The following DLG1 variants were observed in gnomAD, a reference collection of about 807,000 sequenced individuals.
DLG1 encodes discs large MAGUK scaffold protein 1, also known as disks large homolog 1.
DLG1 carries 42 observed loss-of-function variants against 123.4 expected under a neutral mutation model. The ratio of observed to expected loss-of-function variants is 0.34; its 90% CI spans 0.27 to 0.44. The LOEUF (loss-of-function observed/expected upper bound fraction) is 0.44. Among genes scored for constraint, DLG1 ranks in the 20% least tolerant of loss-of-function variants. The probability of loss-of-function intolerance (pLI) is 1.00; values close to 1 mark genes in which losing one functional copy is unlikely to be tolerated. For synonymous variants in DLG1, 317 were observed against 356.2 expected (o/e 0.89, Z 1.24); for missense variants, 942 against 1,082.6 (o/e 0.87, Z 1.82).
chr3:197,276,361 G>C (rs1378907317), intron 4 of DLG1, among the ~76,000 whole-genome samples: 1 of 152,192 alleles, frequency 6.6e-6, no homozygotes, highest in Non-Finnish European at 1.5e-5. Flanking sequence ...CGAATATAAA[G>C]TTGTCTTTCA....
chr3:197,254,489 C>T (rs764371055), intron 4 of DLG1, among the ~76,000 whole-genome samples: 6 of 152,066 alleles, frequency 3.9e-5, no homozygotes, highest in African/African-American at 1.2e-4. Flanking sequence ...TTCTTTTATA[C>T]GTTATTTAGA....
intron 4 of DLG1, among the ~76,000 whole-genome samples, chr3:197,242,482 TAC>T (rs1449233969): frequency 2.0e-5 from 3 of 151,714 alleles, no homozygotes; most frequent in Non-Finnish European, 4.4e-5. Flanking sequence ...TGCTGGAGAA[TAC>T]ACATTCTTTT....
intron 23 of DLG1, among the ~76,000 whole-genome samples, chr3:197,054,340 A>C (rs375505391): frequency 7.2e-4 from 92 of 127,370 alleles, no homozygotes; most frequent in Non-Finnish European, 1.3e-3. Flanking sequence ...CCTTCTCTCT[A>C]TTCTCCTTCA....
chr3:197,197,684 T>C (rs778707159), intron 4 of DLG1, among the ~76,000 whole-genome samples: 2 of 152,190 alleles, frequency 1.3e-5, no homozygotes, highest in South Asian at 2.1e-4. Flanking sequence ...GAACACAGAA[T>C]AGCCAGAAAT....
Position 197,042,640 on chromosome 3 carries a change from A to G in DLG1, c.*1983T>C, listed in dbSNP as rs1021712002. On this transcript the variant is annotated 3_prime_UTR_variant, in exon 25 of 25. Transcript: ENST00000667157. The stretch of plus-strand genomic sequence containing the variant: ...ACTTGATATTTTACAACATGTGACT[A>G]TTTGGTAAATACTTCAAAATAGCTT... 1 of 152,208 alleles carries G rather than the reference A, an allele frequency of 6.6e-6. No homozygotes were observed. Among genetic ancestry groups the G allele is most frequent in the African/African-American group, 2.4e-5 (1 of 41,452 alleles). 9.4% of individuals were successfully genotyped at this position (152,208 alleles called of 1,614,324 possible). A position where few individuals can be genotyped will look rare whatever the true frequency, so the allele number is the denominator to read the frequency against.
intron 23 of DLG1, among the ~76,000 whole-genome samples, chr3:197,059,209 G>A (rs1051916066): frequency 1.1e-4 from 16 of 152,176 alleles, no homozygotes; most frequent in Admixed American, 6.5e-5. Flanking sequence ...ACAGACGTGA[G>A]CCACTGTGCC....
intron 15 of DLG1, among the ~76,000 whole-genome samples, chr3:197,090,204 T>G (rs919064213): frequency 7.2e-5 from 11 of 152,028 alleles, no homozygotes; most frequent in African/African-American, 2.7e-4. Context: ...GTGCTAATGT[T>G]ACAGTAACAG....
intron 4 of DLG1, among the ~76,000 whole-genome samples, chr3:197,202,579 A>T (rs934692595): frequency 1.4e-4 from 21 of 152,228 alleles, no homozygotes; most frequent in African/African-American, 4.8e-4. Flanking sequence ...ACAGAAATAC[A>T]AATAAACTTT....
At chr3:197,181,631 A>G (rs1292065584) in intron 5 of DLG1, among the ~76,000 whole-genome samples, 2 of 152,204 alleles carry the variant, frequency 1.3e-5, no homozygotes, top group Non-Finnish European at 2.9e-5. Flanking sequence ...TTATAAAAAA[A>G]TTAAGATATA....
intron 12 of DLG1, among the ~76,000 whole-genome samples, chr3:197,118,951 G>A (rs1002421930): frequency 8.6e-5 from 13 of 151,982 alleles, no homozygotes; most frequent in African/African-American, 2.4e-4. Context: ...CTGCAGTGAT[G>A]TACGTTCATA....
intron 5 of DLG1, among the ~76,000 whole-genome samples, chr3:197,153,885 C>T (rs182124982): frequency 5.9e-5 from 9 of 152,016 alleles, no homozygotes; most frequent in African/African-American, 2.2e-4. Context: ...AAAAAGAAAA[C>T]CCTGGAGAAG....
At chr3:197,186,386 T>TG (rs1189937408) in intron 5 of DLG1, among the ~76,000 whole-genome samples, 2 of 152,226 alleles carry the variant, frequency 1.3e-5, no homozygotes, top group African/African-American at 4.8e-5. Context: ...AAAGATGGTA[T>TG]GCAATCTAAA....
At chr3:197,141,778 G>A (rs971575780) in intron 7 of DLG1, among the ~76,000 whole-genome samples, 6 of 151,936 alleles carry the variant, frequency 3.9e-5, no homozygotes, top group African/African-American at 2.4e-5. Context: ...GCTAGAGTGC[G>A]ATCTCGGCTC....
At chr3:197,049,526 G>A (rs146323335) in intron 24 of DLG1, among the ~76,000 whole-genome samples, 5,645 of 152,170 alleles carry the variant, frequency 0.037, 166 homozygotes, top group South Asian at 0.051. Flanking sequence ...AGGCCAAGGC[G>A]GGCGGATCAC....
rs142841557 is a variant in DLG1 at position 197,133,637 on chromosome 3, T to G, written c.1020+2905A>C. 9.7e-3 allele frequency among the ~76,000 whole-genome samples: 1,478 copies of G among 152,320 alleles called. 18 individuals carry two copies. Among genetic ancestry groups the G allele is most frequent in the African/African-American group, 0.023 (956 of 41,568 alleles). On this transcript the variant is annotated intron_variant, in intron 10 of 24. Transcript: ENST00000667157. ...TATTTGACCATCTACCAGAGTCGTCTTCTACACATTAAGAAACAGTGACCT... is the reference window on the plus strand; with the variant it reads ...TATTTGACCATCTACCAGAGTCGTCGTCTACACATTAAGAAACAGTGACCT...
chr3:197,276,873 T>G (rs1766684597), intron 4 of DLG1, among the ~76,000 whole-genome samples: 1 of 152,024 alleles, frequency 6.6e-6, no homozygotes, highest in African/African-American at 2.4e-5. Context: ...TCAAAATTTT[T>G]ATTTTTTTTA....
intron 10 of DLG1, among the ~76,000 whole-genome samples, chr3:197,131,882 C>T (rs1003287729): frequency 9.2e-5 from 14 of 151,976 alleles, no homozygotes; most frequent in Admixed American, 3.3e-4. Flanking sequence ...CGTGAGCCAC[C>T]GCGCCCGGCC....
chr3:197,176,132 GTCT>G (rs1806919079), intron 5 of DLG1, among the ~76,000 whole-genome samples: 2 of 152,178 alleles, frequency 1.3e-5, no homozygotes, highest in Admixed American at 1.3e-4. Context: ...AATTTCAAAT[GTCT>G]TCAAGCTAAG....
chr3:197,237,020 A>G (rs1048647649), intron 4 of DLG1, among the ~76,000 whole-genome samples: 2 of 152,218 alleles, frequency 1.3e-5, no homozygotes, highest in Non-Finnish European at 2.9e-5. Context: ...ACAACCCACA[A>G]TAACTAGCGT....
Sources: allele counts gnomAD v4.1 joint callset (sites outside exome capture counted in the v4.1 genomes callset), GRCh38; gene constraint gnomAD v4.1.1; transcripts MANE v1.5; gene names NCBI Gene and HGNC (gene_info 2026-07-23, HGNC 2026-07-21).